Variants in PPARGC1A observed in about 807,000 individuals in gnomAD.
PPARGC1A encodes the protein PPARG coactivator 1 alpha.
Under a neutral mutation model 88.7 loss-of-function variants are expected in PPARGC1A, and 25 were observed. That is an observed-to-expected ratio of 0.28 (90% CI 0.21 to 0.39). PPARGC1A has a LOEUF of 0.39. PPARGC1A is among the 10% of genes least tolerant of loss of function. The pLI, the probability that PPARGC1A is intolerant of heterozygous loss-of-function variation, is 1.00. For missense variants in PPARGC1A, 880 were observed against 968.7 expected (o/e 0.91, Z 1.22); for synonymous variants, 363 against 355.6 (o/e 1.02, Z -0.24).
the PPARGC1A span, among the ~76,000 whole-genome samples, chr4:24,303,888 T>A: frequency 6.6e-6 from 1 of 152,238 alleles, no homozygotes; most frequent in Non-Finnish European, 1.5e-5. Flanking sequence ...TCAAATGCTA[T>A]CATTTTAAAA....
At chr4:24,296,099 T>C in the PPARGC1A span, among the ~76,000 whole-genome samples, 10 of 151,050 alleles carry the variant, frequency 6.6e-5, no homozygotes. Flanking sequence ...CACACATACA[T>C]ATATATGTAC....
the PPARGC1A span, among the ~76,000 whole-genome samples, chr4:24,328,582 A>G: frequency 1.3e-5 from 2 of 152,206 alleles, no homozygotes; most frequent in African/African-American, 4.8e-5. Context: ...GCAGATAGTT[A>G]AAGGGGTTTA....
At chr4:24,172,250 A>G in the PPARGC1A span, among the ~76,000 whole-genome samples, 592 of 152,356 alleles carry the variant, frequency 3.9e-3, 3 homozygotes, top group Admixed American at 5.4e-3. Context: ...AGAAAATAAT[A>G]TGTTCAGATA....
At chr4:24,401,009 A>ATT in the PPARGC1A span, among the ~76,000 whole-genome samples, 1 of 142,164 alleles carries the variant, frequency 7.0e-6, no homozygotes. Flanking sequence ...AATATACCTG[A>ATT]ATTTTCTTTT....
intron 10 of PPARGC1A, among the ~76,000 whole-genome samples, 197 bp from the exon 11 acceptor site, chr4:23,802,542 G>GT (rs1415836403): frequency 6.6e-6 from 1 of 151,916 alleles, no homozygotes; most frequent in African/African-American, 2.4e-5. Context: ...GCCAGGTGTG[G>GT]TGGTGGGCAC....
chr4:24,359,002 T>C, the PPARGC1A span, among the ~76,000 whole-genome samples: 2 of 152,222 alleles, frequency 1.3e-5, no homozygotes. Context: ...GCTGGCTACA[T>C]ACAGGCCAGC....
the PPARGC1A span, among the ~76,000 whole-genome samples, chr4:23,984,517 A>G: frequency 1.3e-5 from 2 of 152,116 alleles, no homozygotes; most frequent in Non-Finnish European, 2.9e-5. Flanking sequence ...AAGAGTAATT[A>G]AACTAATAAA....
At chr4:24,230,410 C>T in the PPARGC1A span, among the ~76,000 whole-genome samples, 2 of 152,072 alleles carry the variant, frequency 1.3e-5, no homozygotes, top group Admixed American at 1.3e-4. Flanking sequence ...AGTCAGTTCC[C>T]ATCTTATATG....
In PPARGC1A at chr4:23,863,505, T is replaced by C. The variant is rs1731612952; in HGVS notation, c.234+21247A>G. On this transcript the variant is annotated intron_variant, in intron 2 of 12. Transcript: ENST00000264867. Reference sequence around the variant, plus strand: ...AGATCCCATTCACTTGTATCTACTTTCTCTGCTGCTCTATTAGATGAGTCC... The same window carrying C: ...AGATCCCATTCACTTGTATCTACTTCCTCTGCTGCTCTATTAGATGAGTCC... Among the ~76,000 whole-genome samples, 5 of 152,168 alleles carry C rather than the reference T, an allele frequency of 3.3e-5. No homozygotes were observed. The South Asian group carries it at 1.0e-3, about 32-fold the overall frequency.
chr4:24,308,298 A>G, the PPARGC1A span, among the ~76,000 whole-genome samples: 18 of 149,972 alleles, frequency 1.2e-4, no homozygotes, highest in African/African-American at 3.7e-4. Context: ...CCACCGAAAA[A>G]AAAAAAAAAA....
the PPARGC1A span, among the ~76,000 whole-genome samples, chr4:24,208,321 C>G: frequency 6.6e-6 from 1 of 151,678 alleles, no homozygotes. Context: ...TGGAAGGAGG[C>G]AGGGAGGGAG....
the PPARGC1A span, among the ~76,000 whole-genome samples, chr4:24,161,965 C>T: frequency 0.045 from 261 of 5,750 alleles, 4 homozygotes; most frequent in African/African-American, 0.27. Context: ...GTGATATACA[C>T]ACACACACAC....
At chr4:24,252,767 T>A in the PPARGC1A span, among the ~76,000 whole-genome samples, 1 of 152,210 alleles carries the variant, frequency 6.6e-6, no homozygotes, top group African/African-American at 2.4e-5. Flanking sequence ...ACTGAAATAA[T>A]ACAACCTTCT....
At chr4:24,427,282 A>ATTTT in the PPARGC1A span, among the ~76,000 whole-genome samples, 1 of 136,738 alleles carries the variant, frequency 7.3e-6, no homozygotes, top group Admixed American at 7.4e-5. Context: ...TTCTTTATTT[A>ATTTT]TTTTTTTTTT....
At chr4:24,194,614 G>GCGCA in the PPARGC1A span, among the ~76,000 whole-genome samples, 1 of 137,616 alleles carries the variant, frequency 7.3e-6, no homozygotes, top group African/African-American at 3.4e-5. Flanking sequence ...TGGCACACAC[G>GCGCA]CGCGCGCACG....
the PPARGC1A span, among the ~76,000 whole-genome samples, chr4:24,094,592 A>G: frequency 6.6e-6 from 1 of 152,260 alleles, no homozygotes. Context: ...CAAACTCAGA[A>G]TAGCATGACT....
the PPARGC1A span, among the ~76,000 whole-genome samples, chr4:24,061,684 T>C: frequency 6.6e-6 from 1 of 152,212 alleles, no homozygotes; most frequent in Non-Finnish European, 1.5e-5. Flanking sequence ...GTCTCCAGGC[T>C]CTTAGGTATC....
At chr4:23,838,260 T>A (rs1326777664) in intron 2 of PPARGC1A, among the ~76,000 whole-genome samples, 1 of 152,144 alleles carries the variant, frequency 6.6e-6, no homozygotes, top group Non-Finnish European at 1.5e-5. Flanking sequence ...GGTTTTGTTT[T>A]TGCTTCTTTT....
At chr4:24,156,577 C>A in the PPARGC1A span, among the ~76,000 whole-genome samples, 1 of 151,998 alleles carries the variant, frequency 6.6e-6, no homozygotes, top group Non-Finnish European at 1.5e-5. Flanking sequence ...CATTTTTTTG[C>A]TCTCTGAATA....
Sources: gnomAD v4.1 joint callset for allele counts (sites outside exome capture counted in the v4.1 genomes callset) on GRCh38, gnomAD v4.1.1 for gene constraint, MANE v1.5 for transcripts, NCBI Gene and HGNC (gene_info 2026-07-23, HGNC 2026-07-21) for gene names.